Variants in FLACC1 observed in about 807,000 individuals in gnomAD.
The protein encoded by FLACC1 is flagellum associated containing coiled-coil domains 1.
In FLACC1, 66 loss-of-function variants were observed where a neutral mutation model predicts 62.8. The observed-to-expected ratio is 1.05, with a 90% confidence interval of 0.86 to 1.29. The LOEUF (loss-of-function observed/expected upper bound fraction) is 1.29, where lower values mean the gene tolerates loss of function less well. FLACC1 is among the 50% of genes most tolerant of loss of function. The pLI is 0.00. For missense variants in FLACC1, 452 were observed against 489.1 expected (o/e 0.92, Z 0.71); for synonymous variants, 156 against 161.0 (o/e 0.97, Z 0.24).
At chr2:201,341,548 T>C (rs1468145928) in intron 7 of FLACC1, among the ~76,000 whole-genome samples, 3 of 150,922 alleles carry the variant, frequency 2.0e-5, no homozygotes, top group Non-Finnish European at 3.0e-5. Context: ...TATATATATA[T>C]ACACAAATGG....
At chr2:201,319,981 C>G (rs753785152) in intron 9 of FLACC1, among the ~76,000 whole-genome samples, 1 of 152,192 alleles carries the variant, frequency 6.6e-6, no homozygotes, top group Non-Finnish European at 1.5e-5. Flanking sequence ...CTACATTACT[C>G]CTGGAATACA....
intron 9 of FLACC1, among the ~76,000 whole-genome samples, chr2:201,320,248 T>G (rs1242085075): frequency 6.6e-6 from 1 of 152,218 alleles, no homozygotes; most frequent in Non-Finnish European, 1.5e-5. Flanking sequence ...CTGGGTTTCA[T>G]GATATAACCT....
intron 12 of FLACC1, among the ~76,000 whole-genome samples, chr2:201,296,256 C>T (rs1010407031): frequency 1.3e-5 from 2 of 151,998 alleles, no homozygotes; most frequent in Admixed American, 6.6e-5. Context: ...AGACTTGGAA[C>T]CAACCCAAAT....
At chr2:201,362,149 T>A (rs1250386306), upstream of FLACC1, among the ~76,000 whole-genome samples, 1 of 152,136 alleles carries the variant, frequency 6.6e-6, no homozygotes, top group African/African-American at 2.4e-5. Flanking sequence ...AAGCCCCAAA[T>A]CTTAAACCTC....
At chr2:201,311,700 CAAAA>C (rs34119306) in intron 9 of FLACC1, among the ~76,000 whole-genome samples, 1 of 113,416 alleles carries the variant, frequency 8.8e-6, no homozygotes, top group African/African-American at 3.3e-5. Context: ...GACACTGACT[CAAAA>C]AAAAAAAAAA....
chr2:201,319,366 T>C (rs1436715600), intron 9 of FLACC1, among the ~76,000 whole-genome samples: 1 of 152,094 alleles, frequency 6.6e-6, no homozygotes, highest in African/African-American at 2.4e-5. Flanking sequence ...CAACCCAAGA[T>C]GCCTTAAAGA....
intron 5 of FLACC1, 61 bp from the exon 6 acceptor site, chr2:201,344,324 C>G: frequency 7.1e-7 from 1 of 1,409,230 alleles, no homozygotes; most frequent in Non-Finnish European, 1.0e-6. Context: ...CATTCAGGCC[C>G]CTGAGCATGA....
chr2:201,360,416 G>C (rs144286517), upstream of FLACC1, among the ~76,000 whole-genome samples: 1 of 152,198 alleles, frequency 6.6e-6, no homozygotes, highest in South Asian at 2.1e-4. Context: ...CAGCATTCAC[G>C]AAGTGGCAAA....
chr2:201,324,857 G>T (rs564921498), intron 9 of FLACC1, among the ~76,000 whole-genome samples: 1 of 152,092 alleles, frequency 6.6e-6, no homozygotes, highest in East Asian at 1.9e-4. Context: ...GGTGGGGTTC[G>T]GTGGCTCATG....
intron 7 of FLACC1, among the ~76,000 whole-genome samples, chr2:201,336,760 C>T (rs1206270378): frequency 6.6e-6 from 1 of 152,120 alleles, no homozygotes; most frequent in Non-Finnish European, 1.5e-5. Flanking sequence ...TTTACATTTC[C>T]ACCAACAGTA....
chr2:201,289,324 C>G (rs770421406), intron 14 of FLACC1, 133 bp downstream of exon 14: 4 of 756,850 alleles, frequency 5.3e-6, no homozygotes, highest in South Asian at 1.7e-5. Flanking sequence ...AGTGACATAC[C>G]TCCCTCCCGA....
At chr2:201,349,714 C>T (rs2125622088) in intron 3 of FLACC1, among the ~76,000 whole-genome samples, 1 of 152,312 alleles carries the variant, frequency 6.6e-6, no homozygotes, top group African/African-American at 2.4e-5. Flanking sequence ...AACCAAGATG[C>T]AACCCATAGA....
At chr2:201,358,053 C>G (rs1030506965), upstream of FLACC1, among the ~76,000 whole-genome samples, 4 of 152,016 alleles carry the variant, frequency 2.6e-5, no homozygotes, top group Non-Finnish European at 5.9e-5. Context: ...GGGTCACAAC[C>G]CCTAGCTTAC....
intron 9 of FLACC1, among the ~76,000 whole-genome samples, chr2:201,317,831 C>T (rs1470949317): frequency 6.6e-6 from 1 of 152,132 alleles, no homozygotes; most frequent in African/African-American, 2.4e-5. Flanking sequence ...CATCACATTA[C>T]CTGATTTCAA....
Position 201,346,807 on chromosome 2 carries a change from C to T in FLACC1, c.235-132G>A, listed in dbSNP as rs1252438631. The T allele has an allele frequency of 3.1e-5, 34 of 1,099,786 alleles. No individual in the cohort carries two copies. The East Asian group carries it at 7.7e-4, about 25-fold the overall frequency. The allele number at this position is 1,099,786 out of a possible 1,614,324, so 68.1% of individuals were successfully genotyped here. ...CTCCACAGCCCAAGCCCTTCTGGGCCCTTCACCCATTATAGCTCATTCTCA... is the reference window on the plus strand; with the variant it reads ...CTCCACAGCCCAAGCCCTTCTGGGCTCTTCACCCATTATAGCTCATTCTCA... On this transcript the variant is annotated intron_variant, in intron 4 of 14. Coordinates refer to ENST00000392257, the MANE Select transcript of FLACC1 (RefSeq NM_001127391.3). The surrounding 1 kb of genome is among the most constrained non-coding windows in gnomAD (Gnocchi z 4.0).
At chr2:201,310,550 C>T (rs1158293497) in intron 9 of FLACC1, among the ~76,000 whole-genome samples, 2 of 152,210 alleles carry the variant, frequency 1.3e-5, no homozygotes, top group Non-Finnish European at 2.9e-5. Context: ...TAACTCTCTT[C>T]ATCTACCTAG....
At chr2:201,348,116 G>A in intron 4 of FLACC1, 138 bp downstream of exon 4, 1 of 781,408 alleles carries the variant, frequency 1.3e-6, no homozygotes, top group Non-Finnish European at 1.9e-6. Flanking sequence ...TGCATAATGT[G>A]CAATATTAAC....
intron 9 of FLACC1, among the ~76,000 whole-genome samples, chr2:201,323,352 G>C (rs777552514): frequency 4.6e-5 from 7 of 152,228 alleles, no homozygotes; most frequent in Non-Finnish European, 8.8e-5. Context: ...AAAAGCATCA[G>C]GTAAGCTATA....
intron 7 of FLACC1, among the ~76,000 whole-genome samples, chr2:201,337,901 T>C (rs923703120): frequency 1.3e-5 from 2 of 152,238 alleles, no homozygotes; most frequent in Non-Finnish European, 2.9e-5. Context: ...CTATTCTGGC[T>C]CATCTTTTGT....
Sources: allele counts gnomAD v4.1 joint callset (sites outside exome capture counted in the v4.1 genomes callset), GRCh38; gene constraint gnomAD v4.1.1; non-coding constraint Gnocchi (gnomAD v3.1); transcripts MANE v1.5; gene names NCBI Gene and HGNC (gene_info 2026-07-23, HGNC 2026-07-21).